Variants in CAMK4 observed in about 807,000 individuals in gnomAD.
The protein encoded by CAMK4 is calcium/calmodulin-dependent protein kinase type IV.
In CAMK4, 22 loss-of-function variants were observed where a neutral mutation model predicts 44.9. That is an observed-to-expected ratio of 0.49 (90% CI 0.35 to 0.70). The LOEUF is 0.70. Among genes scored for constraint, CAMK4 ranks in the 30% least tolerant of loss-of-function variants. The pLI is 0.01. For synonymous variants in CAMK4, 218 were observed against 215.4 expected (o/e 1.01, Z -0.11); for missense variants, 498 against 586.8 (o/e 0.85, Z 1.56).
At chr5:111,339,881 G>A (rs1288973738) in intron 1 of CAMK4, among the ~76,000 whole-genome samples, 1 of 150,936 alleles carries the variant, frequency 6.6e-6, no homozygotes, top group Non-Finnish European at 1.5e-5. Context: ...TCATTTTTTT[G>A]TGGTTTCTTC....
chr5:111,358,865 A>G (rs1476037845), intron 2 of CAMK4, among the ~76,000 whole-genome samples: 2 of 152,178 alleles, frequency 1.3e-5, no homozygotes, highest in Non-Finnish European at 2.9e-5. Flanking sequence ...GCCTAGGGAT[A>G]ACAGCCTTCA....
intron 1 of CAMK4, among the ~76,000 whole-genome samples, chr5:111,261,752 T>G (rs1749987041): frequency 6.6e-6 from 1 of 152,150 alleles, no homozygotes; most frequent in Non-Finnish European, 1.5e-5. Context: ...CTCTTACCCC[T>G]TCAGGTATGG....
chr5:111,379,209 T>C (rs1751325266), intron 4 of CAMK4, among the ~76,000 whole-genome samples: 1 of 152,126 alleles, frequency 6.6e-6, no homozygotes, highest in African/African-American at 2.4e-5. Flanking sequence ...ACTAATAGTG[T>C]TTGCTGTTTA....
At chr5:111,447,209 T>C (rs560738616) in intron 6 of CAMK4, among the ~76,000 whole-genome samples, 1 of 152,222 alleles carries the variant, frequency 6.6e-6, no homozygotes, top group Non-Finnish European at 1.5e-5. Flanking sequence ...GTCTAGGCTT[T>C]GAGTCGCTTG....
intron 2 of CAMK4, among the ~76,000 whole-genome samples, chr5:111,369,226 C>T (rs1485681326): frequency 2.0e-5 from 3 of 151,778 alleles, no homozygotes; most frequent in Non-Finnish European, 4.4e-5. Flanking sequence ...TTGCCATGCC[C>T]CGCTAATTTT....
chr5:111,258,004 C>G (rs433306), intron 1 of CAMK4, among the ~76,000 whole-genome samples: 73,635 of 151,790 alleles, frequency 0.49, 18,319 homozygotes, highest in African/African-American at 0.58. Flanking sequence ...GGGCCTAGCA[C>G]GGGGAGGGTG....
At chr5:111,441,300 A>G (rs1340694146) in intron 5 of CAMK4, among the ~76,000 whole-genome samples, 1 of 152,148 alleles carries the variant, frequency 6.6e-6, no homozygotes, top group Non-Finnish European at 1.5e-5. Context: ...TCTCTCAACT[A>G]CTCTGCAGAT....
At chr5:111,367,580 A>G (rs380093) in intron 2 of CAMK4, among the ~76,000 whole-genome samples, 59,524 of 151,754 alleles carry the variant, frequency 0.39, 11,923 homozygotes, top group Non-Finnish European at 0.43. Context: ...CCCTTTAGCT[A>G]TTTCATGCAG....
chr5:111,409,127 G>A (rs982099252), intron 5 of CAMK4, among the ~76,000 whole-genome samples: 2 of 152,210 alleles, frequency 1.3e-5, no homozygotes, highest in Admixed American at 1.3e-4. Context: ...CAGTGCCCTG[G>A]TGAGGACTTT....
chr5:111,470,122 CCT>C (rs1755011934), intron 7 of CAMK4, among the ~76,000 whole-genome samples: 1 of 152,188 alleles, frequency 6.6e-6, no homozygotes, highest in Admixed American at 6.5e-5. Flanking sequence ...GCAATAGCAG[CCT>C]TCCTGCAATG....
intron 8 of CAMK4, among the ~76,000 whole-genome samples, chr5:111,476,822 A>G (rs1247717125): frequency 6.6e-6 from 1 of 152,182 alleles, no homozygotes. Flanking sequence ...TCAGCTTTCA[A>G]CACTACAGTT....
chr5:111,269,209 G>C (rs1228150838), intron 1 of CAMK4, among the ~76,000 whole-genome samples: 1 of 152,202 alleles, frequency 6.6e-6, no homozygotes, highest in South Asian at 2.1e-4. Context: ...CTGATCTTCT[G>C]CAATGAGTAG....
At chr5:111,404,479 G>T (rs1001872853) in intron 5 of CAMK4, among the ~76,000 whole-genome samples, 1 of 152,172 alleles carries the variant, frequency 6.6e-6, no homozygotes, top group Non-Finnish European at 1.5e-5. Flanking sequence ...CTTATCTCAA[G>T]GTCAATGCTT....
At chr5:111,457,277 G>A (rs2112994027) in intron 7 of CAMK4, among the ~76,000 whole-genome samples, 1 of 152,206 alleles carries the variant, frequency 6.6e-6, no homozygotes, top group South Asian at 2.1e-4. Flanking sequence ...ATTATGCAGA[G>A]CCATTTTCAA....
In CAMK4 at chr5:111,489,647, A is replaced by C. The variant is rs1221987568; in HGVS notation, c.*5181A>C. On this transcript the variant is annotated 3_prime_UTR_variant, in exon 11 of 11. Transcript: ENST00000282356. ...AGAAAGTGAACTGTCTTACTCCTTC[A>C]AAGGAATCAGATGTTGCTCTAGAGA... is the stretch of plus-strand genomic sequence containing the variant. The C allele has an allele frequency of 2.6e-5, 4 of 152,232 alleles. No homozygotes were observed. Among genetic ancestry groups the C allele is most frequent in the Non-Finnish European group, 5.9e-5 (4 of 68,050 alleles). The allele number at this position is 152,232 out of a possible 1,614,324, so 9.4% of individuals were successfully genotyped here.
In CAMK4 at chr5:111,442,547, C is replaced by T. The variant is rs1272549316; in HGVS notation, c.460-4139C>T. 3.4e-5 allele frequency among the ~76,000 whole-genome samples: 5 copies of T among 148,900 alleles called. No individual in the cohort carries two copies. In the South Asian group the frequency reaches 6.3e-4, roughly 19 times the overall value. On this transcript the variant is annotated intron_variant, in intron 5 of 10. Transcript: ENST00000282356. ...ATATATATATATATATATATATACACACACACACATACATACAGTGGAATT... is the reference window on the plus strand; with the variant it reads ...ATATATATATATATATATATATACATACACACACATACATACAGTGGAATT...
chr5:111,443,610 G>T (rs1294585942), intron 5 of CAMK4, among the ~76,000 whole-genome samples: 1 of 151,314 alleles, frequency 6.6e-6, no homozygotes, highest in Non-Finnish European at 1.5e-5. Context: ...CTTTTTTGTT[G>T]TTTTTGTTGC....
At chr5:111,257,609 C>T (rs1447001837) in intron 1 of CAMK4, among the ~76,000 whole-genome samples, 1 of 152,106 alleles carries the variant, frequency 6.6e-6, no homozygotes, top group Non-Finnish European at 1.5e-5. Flanking sequence ...AGACCTGCAA[C>T]CAGAAATACC....
intron 1 of CAMK4, among the ~76,000 whole-genome samples, chr5:111,239,085 G>A (rs1305086257): frequency 1.3e-5 from 2 of 151,856 alleles, no homozygotes; most frequent in African/African-American, 4.8e-5. Context: ...AATAAAACTT[G>A]GCGCATCTTG....
Sources: allele counts gnomAD v4.1 joint callset (sites outside exome capture counted in the v4.1 genomes callset), GRCh38; gene constraint gnomAD v4.1.1; transcripts MANE v1.5; gene names NCBI Gene and HGNC (gene_info 2026-07-23, HGNC 2026-07-21).